ABCB11: variants seen among roughly 807,000 people sequenced by gnomAD.
ABCB11 encodes bile salt export pump.
In ABCB11, 95 loss-of-function variants were observed where a neutral mutation model predicts 148.0. The ratio of observed to expected loss-of-function variants is 0.64; its 90% CI spans 0.54 to 0.76. ABCB11 has a LOEUF of 0.76. ABCB11 is among the 30% of genes least tolerant of loss of function. ABCB11 has a pLI of 0.00. For missense variants in ABCB11, 1,523 were observed against 1,617.8 expected (o/e 0.94, Z 1.01); for synonymous variants, 591 against 555.4 (o/e 1.06, Z -0.90).
intron 9 of ABCB11, among the ~76,000 whole-genome samples, chr2:168,990,447 T>G (rs551957111): frequency 1.2e-4 from 18 of 152,096 alleles, no homozygotes; most frequent in Non-Finnish European, 1.9e-4. Context: ...TGGTATCAGT[T>G]GTAATGTCTC....
chr2:168,955,284 T>C (rs914891387), intron 19 of ABCB11, among the ~76,000 whole-genome samples: 4 of 151,678 alleles, frequency 2.6e-5, no homozygotes, highest in African/African-American at 9.7e-5. Flanking sequence ...TATTAAACTG[T>C]TCTCACACTG....
At chr2:168,971,063 A>G (rs188841491) in intron 14 of ABCB11, among the ~76,000 whole-genome samples, 1 of 152,108 alleles carries the variant, frequency 6.6e-6, no homozygotes, top group Admixed American at 6.6e-5. Flanking sequence ...GTTCAAGATC[A>G]CTGACTCTTC....
At chr2:168,930,893 C>T (rs769585441) in intron 24 of ABCB11, 31 bp from the exon 25 acceptor site, 7 of 1,538,814 alleles carry the variant, frequency 4.5e-6, no homozygotes, top group Non-Finnish European at 6.2e-6. Context: ...ATTAGAGATG[C>T]TCTTACTGAA....
chr2:169,014,503 C>G (rs776142074), intron 3 of ABCB11, 149 bp from the exon 4 acceptor site: 2 of 706,534 alleles, frequency 2.8e-6, no homozygotes, highest in South Asian at 1.8e-5. Flanking sequence ...ATCTTAAACA[C>G]AAGCTTTATT....
rs561354976 is a variant in ABCB11 at position 169,020,618 on chromosome 2, C to T, written c.-27-2466G>A. On this transcript the variant is annotated intron_variant, in intron 1 of 27. Transcript: ENST00000650372. ...CAAAATCATGCTACGTGAAAGAAGA[C>T]GGTCTCAAAAGACCACATACTGTAT... Among the ~76,000 whole-genome samples, 27 of 152,044 alleles carry T rather than the reference C, an allele frequency of 1.8e-4. 1 individual carries two copies. The South Asian group carries it at 3.9e-3, about 22-fold the overall frequency.
intron 19 of ABCB11, among the ~76,000 whole-genome samples, chr2:168,954,226 G>GT (rs34477999): frequency 0.53 from 79,634 of 150,438 alleles, 21,288 homozygotes; most frequent in South Asian, 0.66. Flanking sequence ...CTCTTTTTCT[G>GT]TTTTTTTTGT....
chr2:169,014,810 C>A (rs1695303839), intron 3 of ABCB11, among the ~76,000 whole-genome samples: 1 of 152,038 alleles, frequency 6.6e-6, no homozygotes, highest in Non-Finnish European at 1.5e-5. Flanking sequence ...AAGAACATGC[C>A]CACACTTTTC....
intron 21 of ABCB11, among the ~76,000 whole-genome samples, chr2:168,940,632 G>A (rs1692023457): frequency 6.6e-6 from 1 of 152,094 alleles, no homozygotes; most frequent in South Asian, 2.1e-4. Flanking sequence ...TCTAGCTAAG[G>A]TCATTGATAA....
chr2:168,950,497 T>C (rs1277699356), intron 19 of ABCB11, among the ~76,000 whole-genome samples: 2 of 151,762 alleles, frequency 1.3e-5, no homozygotes, highest in African/African-American at 4.8e-5. Context: ...TAAAATGGTA[T>C]CTCTTTGTGG....
intron 5 of ABCB11, among the ~76,000 whole-genome samples, chr2:168,998,968 G>T (rs941761465): frequency 6.6e-6 from 1 of 152,042 alleles, no homozygotes. Flanking sequence ...GAGCAGGCCT[G>T]GCTTTGCTCC....
At chr2:168,934,330 G>A (rs1365536189) in intron 23 of ABCB11, among the ~76,000 whole-genome samples, 1 of 151,984 alleles carries the variant, frequency 6.6e-6, no homozygotes, top group Non-Finnish European at 1.5e-5. Flanking sequence ...CCCAAGAACC[G>A]ATTCCTATAG....
intron 9 of ABCB11, 107 bp from the exon 10 acceptor site, chr2:168,986,391 G>C: frequency 1.0e-6 from 1 of 979,270 alleles, no homozygotes; most frequent in Non-Finnish European, 1.6e-6. Flanking sequence ...TAAAATCATC[G>C]CAAACACAGA....
At chr2:168,915,457 T>C (rs1303151026), downstream of ABCB11, among the ~76,000 whole-genome samples, 3 of 152,242 alleles carry the variant, frequency 2.0e-5, no homozygotes, top group Non-Finnish European at 4.4e-5. Flanking sequence ...ATTGTATTAA[T>C]TTTTAGTTAA....
chr2:168,936,724 ACTCT>A (rs1232283885), intron 21 of ABCB11, among the ~76,000 whole-genome samples: 20 of 151,714 alleles, frequency 1.3e-4, no homozygotes, highest in Admixed American at 1.3e-3. Context: ...TTCTATTCTA[ACTCT>A]CTGTCTGTAT....
rs1172358587 is a variant in ABCB11, at chr2:168,921,801, G to A, written c.*1821C>T. ...GGTGGGCTTCATAGAAGGGTAATAC[G>A]GCTGGAAAATTTTCTTAGGATTCCA... is the stretch of plus-strand genomic sequence containing the variant. On this transcript the variant is annotated 3_prime_UTR_variant, in exon 28 of 28. Coordinates refer to ENST00000650372, the MANE Select transcript of ABCB11 (RefSeq NM_003742.4). Among the ~76,000 whole-genome samples, 1 of 151,478 alleles carries A rather than the reference G, an allele frequency of 6.6e-6. No individual in the cohort carries two copies. The highest frequency in any genetic ancestry group is 6.6e-5 in the Admixed American group (1 of 15,242).
intron 19 of ABCB11, among the ~76,000 whole-genome samples, chr2:168,946,836 G>A (rs1320819693): frequency 6.6e-6 from 1 of 151,410 alleles, no homozygotes; most frequent in Non-Finnish European, 1.5e-5. Context: ...TTTCTATTGG[G>A]TATGCTCTTT....
chr2:168,943,520 G>T (rs1201880540), intron 21 of ABCB11, among the ~76,000 whole-genome samples: 2 of 151,958 alleles, frequency 1.3e-5, no homozygotes, highest in Non-Finnish European at 2.9e-5. Context: ...TACTGTAGAA[G>T]AATACATAAT....
chr2:168,953,653 T>C (rs147267401), intron 19 of ABCB11, among the ~76,000 whole-genome samples: 2 of 151,550 alleles, frequency 1.3e-5, no homozygotes, highest in Non-Finnish European at 3.0e-5. Flanking sequence ...TCTTCCAATA[T>C]GTATTTAATA....
chr2:168,995,109 T>G (rs1350259129), intron 7 of ABCB11, among the ~76,000 whole-genome samples: 2 of 151,988 alleles, frequency 1.3e-5, no homozygotes. Context: ...CTATAATATT[T>G]CCTTTCTAAT....
Sources: allele counts gnomAD v4.1 joint callset (sites outside exome capture counted in the v4.1 genomes callset), GRCh38; gene constraint gnomAD v4.1.1; transcripts MANE v1.5; gene names NCBI Gene and HGNC (gene_info 2026-07-23, HGNC 2026-07-21).